MORN3: variants seen among roughly 807,000 people sequenced by gnomAD.
The protein encoded by MORN3 is MORN repeat-containing protein 3.
In MORN3, 38 loss-of-function variants were observed where a neutral mutation model predicts 34.7. That is an observed-to-expected ratio of 1.10 (90% CI 0.85 to 1.44). The LOEUF is 1.44. MORN3 is among the 40% of genes most tolerant of loss of function. The pLI is 0.00. For missense variants in MORN3, 311 were observed against 321.7 expected (o/e 0.97, Z 0.25); for synonymous variants, 109 against 115.3 (o/e 0.95, Z 0.35).
rs1893217367 is a variant in MORN3 at position 121,650,088 on chromosome 12, A to T, written c.*1563T>A. 1 of 151,962 alleles carries T rather than the reference A, an allele frequency of 6.6e-6. No homozygotes were observed. The highest frequency in any genetic ancestry group is 1.5e-5 in the Non-Finnish European group (1 of 67,984). 9.4% of individuals were successfully genotyped at this position (151,962 alleles called of 1,614,324 possible). Reference sequence around the variant, plus strand: ...CATCCTCACAGTAACTAACCACAGTAACCCCAGGTGGTAAGTACTGTTAAT... The same window carrying T: ...CATCCTCACAGTAACTAACCACAGTTACCCCAGGTGGTAAGTACTGTTAAT... On this transcript the variant is annotated 3_prime_UTR_variant, in exon 6 of 6. Transcript: ENST00000355329.
chr12:121,669,241 C>G, intron 1 of MORN3, 98 bp downstream of exon 1: 1 of 1,492,422 alleles, frequency 6.7e-7, no homozygotes, highest in Non-Finnish European at 9.2e-7. Context: ...GGGGACACAT[C>G]TCATGTCCCC....
At chr12:121,659,548 T>G (rs1594227811) in intron 1 of MORN3, among the ~76,000 whole-genome samples, 200 bp from the exon 2 acceptor site, 1 of 151,264 alleles carries the variant, frequency 6.6e-6, no homozygotes, top group East Asian at 1.9e-4. Context: ...TTCTTTTTTT[T>G]TTTTGAGGCA....
chr12:121,667,995 T>C (rs1893824113), intron 1 of MORN3, among the ~76,000 whole-genome samples: 1 of 151,932 alleles, frequency 6.6e-6, no homozygotes, highest in South Asian at 2.1e-4. Flanking sequence ...AGTGCTGGGA[T>C]TACAGGCGTG....
At chr12:121,663,973 C>T (rs932643582) in intron 1 of MORN3, among the ~76,000 whole-genome samples, 2 of 152,070 alleles carry the variant, frequency 1.3e-5, no homozygotes, top group Non-Finnish European at 2.9e-5. Flanking sequence ...CTGACTCCGC[C>T]CCCTGGCAGG....
At chr12:121,658,473 G>A (rs1893476608) in intron 2 of MORN3, among the ~76,000 whole-genome samples, 1 of 150,774 alleles carries the variant, frequency 6.6e-6, no homozygotes, top group South Asian at 2.1e-4. Context: ...AGCTGAGGCA[G>A]GAGAATGGCG....
intron 1 of MORN3, among the ~76,000 whole-genome samples, chr12:121,660,351 C>CTTTT (rs1566482948): frequency 7.8e-6 from 1 of 127,622 alleles, no homozygotes; most frequent in African/African-American, 3.6e-5. Flanking sequence ...TTCTTTCTTT[C>CTTTT]TTTCTTTTTT....
intron 1 of MORN3, among the ~76,000 whole-genome samples, chr12:121,662,474 G>A (rs1290960712): frequency 6.6e-6 from 1 of 151,960 alleles, no homozygotes; most frequent in African/African-American, 2.4e-5. Context: ...AAAACAAACA[G>A]GTCGGGTGCG....
In MORN3 at chr12:121,649,441, C is replaced by G. The variant is rs1594216537; in HGVS notation, c.*2210G>C. ...CCAGGAGAGAATGCTTGCTGCGAAG[C>G]TGTCAGCACACGGCCTGGAATAGAG... On this transcript the variant is annotated 3_prime_UTR_variant, in exon 6 of 6. Transcript: ENST00000355329. 1 of 152,176 alleles carries G rather than the reference C, an allele frequency of 6.6e-6. No homozygotes were observed. The highest frequency in any genetic ancestry group is 2.4e-5 in the African/African-American group (1 of 41,438). 9.4% of individuals were successfully genotyped at this position (152,176 alleles called of 1,614,324 possible).
intron 1 of MORN3, among the ~76,000 whole-genome samples, chr12:121,660,125 T>C (rs1185680835): frequency 1.3e-5 from 2 of 150,790 alleles, no homozygotes; most frequent in Non-Finnish European, 3.0e-5. Context: ...TCCCAGCTAC[T>C]CAGGAAGCTG....
intron 1 of MORN3, among the ~76,000 whole-genome samples, chr12:121,665,444 C>T (rs1251435820): frequency 2.0e-5 from 3 of 150,478 alleles, no homozygotes; most frequent in Non-Finnish European, 4.4e-5. Flanking sequence ...GCGCCCGCCA[C>T]CACGCCCGGC....
intron 2 of MORN3, among the ~76,000 whole-genome samples, chr12:121,656,969 T>C (rs1419278038): frequency 6.6e-6 from 1 of 152,170 alleles, no homozygotes; most frequent in Non-Finnish European, 1.5e-5. Context: ...GCAGAGAACA[T>C]GAAACCCTGG....
At chr12:121,669,833 T>TATAATATA (rs199792815), upstream of MORN3, among the ~76,000 whole-genome samples, 1 of 103,658 alleles carries the variant, frequency 9.6e-6, no homozygotes, top group African/African-American at 4.7e-5. Flanking sequence ...TATATATATA[T>TATAATATA]TTTTTTTTTT....
At position 121,669,608 on chromosome 12, in the gene MORN3, C is replaced by G; in HGVS notation, c.-125G>C. On this transcript the variant is annotated 5_prime_UTR_variant, in exon 1 of 6. Coordinates refer to ENST00000355329, the MANE Select transcript of MORN3 (RefSeq NM_173855.5). ...GGAGAGTCATGTGTGTTCTGAGTCC[C>G]TGGGGCAGGTGAACAGCCCTTAGTG... 1.5e-6 allele frequency: 2 copies of G among 1,370,550 alleles called. No homozygotes were observed. The highest frequency in any genetic ancestry group is 2.0e-6 in the Non-Finnish European group (2 of 993,820). 84.9% of individuals were successfully genotyped at this position (1,370,550 alleles called of 1,614,324 possible).
intron 5 of MORN3, among the ~76,000 whole-genome samples, chr12:121,652,063 G>A (rs1893268315): frequency 6.6e-6 from 1 of 151,776 alleles, no homozygotes; most frequent in Non-Finnish European, 1.5e-5. Context: ...AGCCTCCTGA[G>A]TAGCTGGAAT....
At chr12:121,670,065 G>A (rs531085915), upstream of MORN3, among the ~76,000 whole-genome samples, 1 of 151,642 alleles carries the variant, frequency 6.6e-6, no homozygotes, top group Non-Finnish European at 1.5e-5. Flanking sequence ...GTAGAGACGG[G>A]GGTTTCACCA....
intron 2 of MORN3, among the ~76,000 whole-genome samples, chr12:121,657,930 G>A (rs1032525006): frequency 1.1e-4 from 16 of 151,878 alleles, no homozygotes; most frequent in African/African-American, 3.6e-4. Context: ...CCAGTTCTGT[G>A]TTAATTACTC....
upstream of MORN3, among the ~76,000 whole-genome samples, chr12:121,672,347 C>A (rs1286112481): frequency 6.6e-6 from 1 of 152,118 alleles, no homozygotes; most frequent in African/African-American, 2.4e-5. Flanking sequence ...GTAGTCCCAG[C>A]TGCGCGGGAG....
chr12:121,671,917 G>A (rs1490258550), upstream of MORN3, among the ~76,000 whole-genome samples: 1 of 151,886 alleles, frequency 6.6e-6, no homozygotes, highest in Non-Finnish European at 1.5e-5. Flanking sequence ...GTTAAAAGAG[G>A]TGTTAATGCC....
chr12:121,660,998 G>A (rs1048817796), intron 1 of MORN3, among the ~76,000 whole-genome samples: 1 of 151,722 alleles, frequency 6.6e-6, no homozygotes, highest in Admixed American at 6.6e-5. Context: ...GACAGGATCT[G>A]GCTGTGTTGG....
Sources: gnomAD v4.1 joint callset for allele counts (sites outside exome capture counted in the v4.1 genomes callset) on GRCh38, gnomAD v4.1.1 for gene constraint, MANE v1.5 for transcripts, NCBI Gene and HGNC (gene_info 2026-07-23, HGNC 2026-07-21) for gene names.